Variants in ZNF503 observed in about 807,000 individuals in gnomAD.
ZNF503 encodes NocA-like zinc finger 2.
A neutral mutation model predicts 34.4 loss-of-function variants in ZNF503; 15 were observed. That is an observed-to-expected ratio of 0.44 (90% CI 0.29 to 0.67). ZNF503 has a LOEUF of 0.67. Among genes scored for constraint, ZNF503 ranks in the 30% least tolerant of loss-of-function variants. ZNF503 has a pLI of 0.13. For synonymous variants in ZNF503, 580 were observed against 456.8 expected (o/e 1.27, Z -3.44); for missense variants, 1,007 against 926.8 (o/e 1.09, Z -1.12).
the ZNF503 span, among the ~76,000 whole-genome samples, chr10:75,335,179 G>A: frequency 6.6e-6 from 1 of 152,116 alleles, no homozygotes; most frequent in African/African-American, 2.4e-5. Flanking sequence ...GCCTTATAGG[G>A]TTGTTGTCAT....
chr10:75,363,927 C>A, the ZNF503 span, among the ~76,000 whole-genome samples: 1 of 152,236 alleles, frequency 6.6e-6, no homozygotes, highest in African/African-American at 2.4e-5. Context: ...TGCAGCCATA[C>A]TGTGGCCCTT....
chr10:75,401,120 C>T lies in ZNF503; in HGVS notation c.300G>A (p.Pro100=), dbSNP rs770551919. The change falls in exon 1 of 2, where the codon CCG becomes CCA. Residue 100 remains proline (P), a synonymous_variant. Coordinates refer to ENST00000372524, the MANE Select transcript of ZNF503 (RefSeq NM_032772.6). ...GGGTCCTTACCTCGATGGGGCTGAC[C>T]GGCGTGGAAGGCAGGGGCTGCAGGT... is the stretch of plus-strand genomic sequence containing the variant. ...PEYLQPLPST[P]VSPIELDAKK... 1.2e-6 allele frequency: 2 copies of T among 1,613,360 alleles called. No individual in the cohort carries two copies. Among genetic ancestry groups the T allele is most frequent in the Non-Finnish European group, 1.7e-6 (2 of 1,179,738 alleles).
the ZNF503 span, among the ~76,000 whole-genome samples, chr10:75,356,267 A>G: frequency 6.6e-6 from 1 of 152,144 alleles, no homozygotes. Context: ...CCCAGGCTGG[A>G]GTGCAGTGGC....
chr10:75,379,582 C>T, the ZNF503 span, among the ~76,000 whole-genome samples: 10 of 152,182 alleles, frequency 6.6e-5, no homozygotes, highest in East Asian at 1.9e-4. Context: ...CTGCCCAGCA[C>T]GGACTGTTCT....
downstream of ZNF503, among the ~76,000 whole-genome samples, chr10:75,396,519 T>C (rs538781117): frequency 1.2e-3 from 180 of 151,682 alleles, no homozygotes; most frequent in African/African-American, 4.2e-3. This position sits in a 1 kb window ranked among gnomAD's most constrained non-coding sequence, Gnocchi z 4.4. Flanking sequence ...AATCTCAAAG[T>C]CACCAATCCC....
At chr10:75,351,294 C>A in the ZNF503 span, among the ~76,000 whole-genome samples, 1 of 152,174 alleles carries the variant, frequency 6.6e-6, no homozygotes, top group South Asian at 2.1e-4. Context: ...GCCTCAGCCT[C>A]CTGAGTAGCT....
rs1281134499 is a variant in ZNF503, at chr10:75,401,747, G to C, written c.-328C>G. On this transcript the variant is annotated 5_prime_UTR_variant, in exon 1 of 2. Transcript: ENST00000372524. ...TGCGCTCTGCGATGCGAGCCGCTGC[G>C]TGTCCAGCCGGGGCTCTGGCGAGGA... is the stretch of plus-strand genomic sequence containing the variant. The C allele has an allele frequency of 2.8e-6, 1 of 357,138 alleles. No individual in the cohort carries two copies. Among genetic ancestry groups the C allele is most frequent in the Admixed American group, 5.1e-5 (1 of 19,588 alleles). The allele number at this position is 357,138 out of a possible 1,614,324, so 22.1% of individuals were successfully genotyped here.
At position 75,401,509 on chromosome 10, in the gene ZNF503, A is replaced by G; in HGVS notation, c.-90T>C. 6.9e-7 allele frequency: 1 copy of G among 1,440,890 alleles called. No individual in the cohort carries two copies. The highest frequency in any genetic ancestry group is 9.2e-7 in the Non-Finnish European group (1 of 1,089,246). The allele number at this position is 1,440,890 out of a possible 1,614,324, so 89.3% of individuals were successfully genotyped here. A position where few individuals can be genotyped will look rare whatever the true frequency, so the allele number is the denominator to read the frequency against. On this transcript the variant is annotated 5_prime_UTR_variant, in exon 1 of 2. Coordinates refer to ENST00000372524, the MANE Select transcript of ZNF503 (RefSeq NM_032772.6). ...GCTGCGCGCTCGCCCCGGGAGCAGG[A>G]GCAGCGGGAGGAGGAGGAGCTGGCG...
the ZNF503 span, among the ~76,000 whole-genome samples, chr10:75,339,499 T>C: frequency 6.6e-6 from 1 of 152,214 alleles, no homozygotes; most frequent in Non-Finnish European, 1.5e-5. Flanking sequence ...AACCTCTGAA[T>C]GTTTAGAAAA....
the ZNF503 span, among the ~76,000 whole-genome samples, chr10:75,388,020 G>A: frequency 6.6e-6 from 1 of 152,194 alleles, no homozygotes. Flanking sequence ...GTTTCCAGCA[G>A]AGGAGAGGTA....
At chr10:75,323,373 C>T in the ZNF503 span, among the ~76,000 whole-genome samples, 94 of 152,170 alleles carry the variant, frequency 6.2e-4, no homozygotes, top group African/African-American at 2.0e-3. Flanking sequence ...TGGCCAAGTA[C>T]GTAGGAGTGG....
downstream of ZNF503, among the ~76,000 whole-genome samples, chr10:75,396,547 G>C (rs1327869514): frequency 6.6e-6 from 1 of 152,202 alleles, no homozygotes; most frequent in Non-Finnish European, 1.5e-5. The surrounding 1 kb of genome is among the most constrained non-coding windows in gnomAD (Gnocchi z 4.4). Flanking sequence ...ATGGCGGCAG[G>C]GGCCGCGGGC....
At chr10:75,305,956 A>G in the ZNF503 span, among the ~76,000 whole-genome samples, 1 of 152,184 alleles carries the variant, frequency 6.6e-6, no homozygotes, top group Non-Finnish European at 1.5e-5. Flanking sequence ...GGACAGTTGG[A>G]TTGCTTCCAT....
At chr10:75,307,659 T>C in the ZNF503 span, among the ~76,000 whole-genome samples, 2 of 152,358 alleles carry the variant, frequency 1.3e-5, no homozygotes, top group East Asian at 3.9e-4. Flanking sequence ...GATAGAGAAG[T>C]CAACGTCTGG....
chr10:75,387,639 T>C, the ZNF503 span, among the ~76,000 whole-genome samples: 3 of 152,174 alleles, frequency 2.0e-5, no homozygotes, highest in Non-Finnish European at 4.4e-5. Flanking sequence ...AGATGGAGGT[T>C]TCTCTGTGGA....
the ZNF503 span, among the ~76,000 whole-genome samples, chr10:75,324,957 AT>A: frequency 6.6e-6 from 1 of 152,178 alleles, no homozygotes; most frequent in Non-Finnish European, 1.5e-5. Context: ...GCTGAAAAGT[AT>A]TTCATTTTAT....
At chr10:75,322,127 A>AT in the ZNF503 span, among the ~76,000 whole-genome samples, 73,487 of 139,982 alleles carry the variant, frequency 0.52, 19,712 homozygotes, top group South Asian at 0.69. Flanking sequence ...ACCACCACCA[A>AT]TTTTTTTTTT....
At chr10:75,361,496 A>G in the ZNF503 span, 1 of 151,000 alleles carries the variant, frequency 6.6e-6, no homozygotes, top group Non-Finnish European at 1.5e-5. Flanking sequence ...GAGCCAAGTC[A>G]TGCATTTTTT....
At chr10:75,354,730 C>G in the ZNF503 span, among the ~76,000 whole-genome samples, 2 of 151,896 alleles carry the variant, frequency 1.3e-5, no homozygotes, top group African/African-American at 4.8e-5. Flanking sequence ...ACAAAACAAA[C>G]AAACAAAAAA....
Sources: gnomAD v4.1 joint callset for allele counts (sites outside exome capture counted in the v4.1 genomes callset) on GRCh38, gnomAD v4.1.1 for gene constraint, Gnocchi (gnomAD v3.1) non-coding constraint, MANE v1.5 for transcripts, NCBI Gene and HGNC (gene_info 2026-07-23, HGNC 2026-07-21) for gene names.